ZNF391: variants seen among roughly 807,000 people sequenced by gnomAD.
ZNF391 encodes zinc finger protein 391.
For synonymous variants in ZNF391, 126 were observed against 142.1 expected (o/e 0.89, Z 0.80); for missense variants, 375 against 425.5 (o/e 0.88, Z 1.04).
intron 1 of ZNF391, among the ~76,000 whole-genome samples, chr6:27,390,800 C>A (rs1233952196): frequency 6.6e-6 from 1 of 152,138 alleles, no homozygotes; most frequent in African/African-American, 2.4e-5. Flanking sequence ...ATATGATATT[C>A]TTTATTGTAA....
chr6:27,393,621 C>T (rs1000263524), intron 1 of ZNF391, among the ~76,000 whole-genome samples: 2 of 152,144 alleles, frequency 1.3e-5, no homozygotes, highest in Admixed American at 6.5e-5. Context: ...GTGAAAGGAA[C>T]TTTGGAACTG....
upstream of ZNF391, among the ~76,000 whole-genome samples, chr6:27,385,210 T>G (rs1761569207): frequency 3.3e-5 from 3 of 90,356 alleles, no homozygotes; most frequent in South Asian, 1.3e-3. Context: ...AAGGGTTCAA[T>G]TAAAACAAAA....
In ZNF391 at chr6:27,379,462, T is replaced by C. The variant is rs1761465042; in HGVS notation, n.523+4325T>C. ...TTCTACCATATTTAGGTCATTTCTC[T>C]TCCTCCTATGTTGTAGGTATCTCAA... On this transcript the variant is annotated intron_variant and non_coding_transcript_variant, in intron 1 of 2. Coordinates refer to the ZNF391 transcript ENST00000477999. 2.0e-5 allele frequency among the ~76,000 whole-genome samples: 3 copies of C among 152,378 alleles called. No homozygotes were observed. The South Asian group carries it at 6.2e-4, about 32-fold the overall frequency.
chr6:27,400,732 A>C lies in ZNF391; in HGVS notation c.362A>C (p.Gln121Pro). 3 of 1,614,116 alleles carry C rather than the reference A, an allele frequency of 1.9e-6. No homozygotes were observed. The highest frequency in any genetic ancestry group is 2.5e-6 in the Non-Finnish European group (3 of 1,180,014). ...GAATGTGAAAAAGCCTTTAGTTACC[A>C]ATCAGACCTTCTTGTACACAGTAGA... ...CNECEKAFSY[Q>P]SDLLVHSRIH... The change falls in exon 3 of 3, where the codon CAA (glutamine) becomes CCA (proline). Residue 121 changes from glutamine to proline, a missense_variant. Transcript: ENST00000244576.
Position 27,399,528 on chromosome 6 carries a change from A to G in ZNF391, c.-101A>G, listed in dbSNP as rs1252562802. On this transcript the variant is annotated 5_prime_UTR_variant, in exon 2 of 3. Transcript: ENST00000244576. ...GGATCTTCAGGAAGCTGAAGAGGGC[A>G]GTGCCCAGAAATACCTGTCTTGGTG... 2.0e-5 allele frequency: 3 copies of G among 152,274 alleles called. No homozygotes were observed. The highest frequency in any genetic ancestry group is 1.3e-4 in the Admixed American group (2 of 15,292). The allele number at this position is 152,274 out of a possible 1,614,324, so 9.4% of individuals were successfully genotyped here.
chr6:27,380,916 AGAGTGCCCATT>A (rs1761490732), intron 1 of ZNF391, among the ~76,000 whole-genome samples: 1 of 152,210 alleles, frequency 6.6e-6, no homozygotes, highest in Non-Finnish European at 1.5e-5. Flanking sequence ...AGTTAGATAC[AGAGTGCCCATT>A]GGTGTATTTA....
intron 1 of ZNF391, among the ~76,000 whole-genome samples, chr6:27,380,885 T>A (rs1480251541): frequency 6.6e-6 from 1 of 152,212 alleles, no homozygotes; most frequent in Non-Finnish European, 1.5e-5. Context: ...AGGGTGCTGA[T>A]TGGTATGTTT....
chr6:27,382,848 G>A (rs1761530399), intron 1 of ZNF391, among the ~76,000 whole-genome samples: 2 of 152,138 alleles, frequency 1.3e-5, no homozygotes, highest in Admixed American at 1.3e-4. Context: ...GGCTGAGCAC[G>A]GTGGCTCATA....
rs567410150 is a variant in ZNF391, at chr6:27,388,961, C to T, written c.-302C>T. ...GGTTTCTCTTTAATCCTTCCGACTT[C>T]CCCAAGCCCAGCGCACTCAGGTTCC... On this transcript the variant is annotated 5_prime_UTR_variant, in exon 1 of 3. Transcript: ENST00000244576. The T allele has an allele frequency of 2.2e-6, 1 of 456,456 alleles. No individual in the cohort carries two copies. Among genetic ancestry groups the T allele is most frequent in the East Asian group, 7.0e-5 (1 of 14,388 alleles). 28.3% of individuals were successfully genotyped at this position (456,456 alleles called of 1,614,324 possible).
At chr6:27,381,642 G>A (rs1445957913) in intron 1 of ZNF391, among the ~76,000 whole-genome samples, 1 of 152,224 alleles carries the variant, frequency 6.6e-6, no homozygotes, top group Admixed American at 6.5e-5. Context: ...AGGAGGCTGA[G>A]GTGGGAGGAT....
At chr6:27,390,554 G>GT (rs11401995) in intron 1 of ZNF391, among the ~76,000 whole-genome samples, 107,358 of 151,964 alleles carry the variant, frequency 0.71, 38,170 homozygotes, top group Middle Eastern at 0.8. Flanking sequence ...TCTGAAATAT[G>GT]TTTGGGGGCT....
intron 1 of ZNF391, among the ~76,000 whole-genome samples, chr6:27,396,315 A>T (rs1689888679): frequency 6.6e-6 from 1 of 152,246 alleles, no homozygotes; most frequent in Non-Finnish European, 1.5e-5. Context: ...TATTAGAATC[A>T]CTGAATACAA....
rs776396843 is a variant in ZNF391, at chr6:27,401,100, A to G, written c.730A>G (p.Thr244Ala). The G allele has an allele frequency of 1.6e-5, 26 of 1,614,098 alleles. No individual in the cohort carries two copies. The highest frequency in any genetic ancestry group is 2.1e-5 in the Non-Finnish European group (25 of 1,180,036). ...CATAATTCAGCATCAACGAATACAC[A>G]CTGGAGAGAATCCCTATGAATGCAG... ...STIIQHQRIH[T>A]GENPYECSKC... Residue 244 changes from threonine (T) to alanine (A), a missense_variant, in exon 3 of 3, where the codon ACT becomes GCT. Physicochemically the swap from Thr to Ala is moderately conservative, Grantham distance 58 (BLOSUM62 0). Coordinates refer to ENST00000244576, the MANE Select transcript of ZNF391 (RefSeq NM_001076781.3).
upstream of ZNF391, among the ~76,000 whole-genome samples, chr6:27,387,367 G>T (rs925634266): frequency 1.7e-4 from 26 of 152,306 alleles, no homozygotes; most frequent in South Asian, 6.2e-4. Context: ...TATACCCAAA[G>T]AATTGAAAAC....
chr6:27,389,799 C>T (rs569488376), intron 1 of ZNF391, among the ~76,000 whole-genome samples: 2 of 151,140 alleles, frequency 1.3e-5, no homozygotes, highest in South Asian at 2.1e-4. Flanking sequence ...AGTGAAACTC[C>T]GCGCCCCTCC....
chr6:27,396,537 C>A (rs577660693), intron 1 of ZNF391, among the ~76,000 whole-genome samples: 1 of 152,186 alleles, frequency 6.6e-6, no homozygotes, highest in South Asian at 2.1e-4. Flanking sequence ...CCAGCCTGGG[C>A]AACCTGGTGA....
rs1425783470 is a variant in ZNF391, at chr6:27,400,998, C to G, written c.628C>G (p.Gln210Glu). The change falls in exon 3 of 3, where the codon CAG becomes GAG. Residue 210 changes from glutamine to glutamate, a missense_variant. Coordinates refer to ENST00000244576, the MANE Select transcript of ZNF391 (RefSeq NM_001076781.3). ...KAFSRSTNLS[Q>E]HQRTHTQERP... ...CTTTAGCCGAAGCACTAACCTTAGT[C>G]AGCATCAGCGAACTCATACTCAAGA... 1 of 1,614,124 alleles carries G rather than the reference C, an allele frequency of 6.2e-7. No individual in the cohort carries two copies. Among genetic ancestry groups the G allele is most frequent in the South Asian group, 1.1e-5 (1 of 91,084 alleles).
upstream of ZNF391, among the ~76,000 whole-genome samples, chr6:27,387,464 A>AGATT (rs1398346113): frequency 6.6e-6 from 1 of 152,250 alleles, no homozygotes; most frequent in African/African-American, 2.4e-5. Flanking sequence ...GTTCAACAAG[A>AGATT]GATTAATGGA....
chr6:27,399,001 C>T (rs2113660628), intron 1 of ZNF391, among the ~76,000 whole-genome samples: 1 of 152,272 alleles, frequency 6.6e-6, no homozygotes, highest in East Asian at 1.9e-4. Flanking sequence ...CTGTTTTATA[C>T]CCGCCTGCTG....
Sources: allele counts gnomAD v4.1 joint callset (sites outside exome capture counted in the v4.1 genomes callset), GRCh38; gene constraint gnomAD v4.1.1; transcripts MANE v1.5; gene names NCBI Gene and HGNC (gene_info 2026-07-23, HGNC 2026-07-21).